TNPO1: variants seen among roughly 807,000 people sequenced by gnomAD.
TNPO1 encodes transportin 1.
In TNPO1, 8 loss-of-function variants were observed where a neutral mutation model predicts 119.5. The ratio of observed to expected loss-of-function variants is 0.07; its 90% CI spans 0.04 to 0.12. The LOEUF is 0.12. Ranked by LOEUF, TNPO1 falls within the 10% of genes least tolerant of loss-of-function variation. The pLI is 1.00. For synonymous variants in TNPO1, 362 were observed against 363.0 expected (o/e 1.00, Z 0.03); for missense variants, 576 against 1,089.8 (o/e 0.53, Z 6.64).
chr5:72,823,523 C>G (rs1744076373), intron 1 of TNPO1, among the ~76,000 whole-genome samples: 1 of 152,182 alleles, frequency 6.6e-6, no homozygotes, highest in Non-Finnish European at 1.5e-5. Flanking sequence ...GCAGCTCACT[C>G]CTAGTGCCTC....
At chr5:72,848,712 C>T (rs1285646781) in intron 2 of TNPO1, among the ~76,000 whole-genome samples, 6 of 147,316 alleles carry the variant, frequency 4.1e-5, no homozygotes, top group African/African-American at 7.3e-5. Flanking sequence ...GGGGCGCCGC[C>T]GCGTGGGGCT....
At chr5:72,882,778 T>C (rs1256784692) in intron 10 of TNPO1, among the ~76,000 whole-genome samples, 1 of 152,158 alleles carries the variant, frequency 6.6e-6, no homozygotes, top group Non-Finnish European at 1.5e-5. Context: ...AACATTCTTA[T>C]ATATGCTGCT....
At chr5:72,827,974 C>CA (rs983717737) in intron 1 of TNPO1, among the ~76,000 whole-genome samples, 3 of 151,224 alleles carry the variant, frequency 2.0e-5, no homozygotes, top group Admixed American at 6.6e-5. Flanking sequence ...GCCCATTTGA[C>CA]AAACAAGCAG....
At chr5:72,831,668 A>C (rs1177759383) in intron 1 of TNPO1, among the ~76,000 whole-genome samples, 1 of 152,018 alleles carries the variant, frequency 6.6e-6, no homozygotes, top group Non-Finnish European at 1.5e-5. Flanking sequence ...CCTTTCTCTG[A>C]AACTAAGTCT....
At chr5:72,872,400 A>C (rs1473542167) in intron 6 of TNPO1, among the ~76,000 whole-genome samples, 1 of 152,140 alleles carries the variant, frequency 6.6e-6, no homozygotes, top group Non-Finnish European at 1.5e-5. Context: ...AAATTTGCAC[A>C]TGTCCTTTCT....
chr5:72,848,155 C>T, intron 1 of TNPO1: 1 of 1,210,662 alleles, frequency 8.3e-7, no homozygotes, highest in Non-Finnish European at 1.0e-6. Flanking sequence ...GCTCGGCGGC[C>T]GCGGCGGCAG....
chr5:72,836,154 A>G (rs1744683765), intron 1 of TNPO1, among the ~76,000 whole-genome samples: 1 of 152,174 alleles, frequency 6.6e-6, no homozygotes, highest in Non-Finnish European at 1.5e-5. Context: ...CCACTCCAAC[A>G]GCTCCATTAG....
intron 1 of TNPO1, among the ~76,000 whole-genome samples, chr5:72,823,932 C>G (rs1744095666): frequency 6.6e-6 from 1 of 152,206 alleles, no homozygotes; most frequent in South Asian, 2.1e-4. Context: ...CCCAAACCTT[C>G]TATATCTCTT....
In TNPO1 at chr5:72,855,811, G is replaced by A; in HGVS notation, c.243G>A (p.Lys81=). The A allele has an allele frequency of 6.2e-7, 1 of 1,611,910 alleles. No homozygotes were observed. Among genetic ancestry groups the A allele is most frequent in the Non-Finnish European group, 8.5e-7 (1 of 1,179,606 alleles). ...GATCATTGAGTGGTCTTATCTTGAA[G>A]AATAATGTGAAAGCACACTTTCAGA... The part of the protein sequence containing the change: ...PTRSLSGLIL[K]NNVKAHFQNF... The change falls in exon 4 of 25, where the codon AAG becomes AAA. Residue 81 remains lysine, a synonymous_variant. Transcript: ENST00000337273.
chr5:72,901,129 A>G (rs1051902880), intron 22 of TNPO1, 56 bp downstream of exon 22: 12 of 1,149,480 alleles, frequency 1.0e-5, no homozygotes, highest in Middle Eastern at 2.3e-4. Context: ...TTTTAAAGGA[A>G]GAAACATTCT....
intron 15 of TNPO1, among the ~76,000 whole-genome samples, chr5:72,892,910 T>C (rs1203489764): frequency 2.7e-5 from 4 of 148,842 alleles, no homozygotes; most frequent in Admixed American, 2.1e-4. Context: ...ATAATGTTTC[T>C]TGTAGAAACG....
At chr5:72,827,056 G>T (rs1173372124) in intron 1 of TNPO1, among the ~76,000 whole-genome samples, 1 of 152,110 alleles carries the variant, frequency 6.6e-6, no homozygotes, top group Admixed American at 6.5e-5. Flanking sequence ...AGAGGACATT[G>T]CCTTTCTTAA....
intron 21 of TNPO1, 64 bp from the exon 22 acceptor site, chr5:72,900,910 C>A: frequency 1.9e-6 from 2 of 1,064,242 alleles, no homozygotes; most frequent in Non-Finnish European, 1.4e-6. Flanking sequence ...AAATACTGTC[C>A]ATTAGTATTG....
Position 72,888,230 on chromosome 5 carries a change from C to T in TNPO1, c.1456C>T (p.Leu486=), listed in dbSNP as rs1748797279. ...WVVSQPPDTY[L]KPLMTELLKR... is the part of the protein sequence containing the mutation. ...GGTCAGCCAGCCGCCAGACACGTAC[C>T]TGAAGCCATTAATGACAGAATTGCT... The change falls in exon 13 of 25, where the codon CTG becomes TTG. Residue 486 remains leucine (L), a synonymous_variant. Coordinates refer to ENST00000337273, the MANE Select transcript of TNPO1 (RefSeq NM_002270.4). 6.2e-7 allele frequency: 1 copy of T among 1,614,100 alleles called. No homozygotes were observed. Among genetic ancestry groups the T allele is most frequent in the Non-Finnish European group, 8.5e-7 (1 of 1,180,016 alleles).
chr5:72,883,263 T>A, intron 11 of TNPO1, 31 bp downstream of exon 11: 1 of 1,003,408 alleles, frequency 1.0e-6, no homozygotes, highest in East Asian at 2.4e-5. Context: ...CACAGTTGCC[T>A]ACTTTGATGA....
chr5:72,878,878 G>T (rs2112400206), intron 9 of TNPO1: 1 of 484,296 alleles, frequency 2.1e-6, no homozygotes, highest in Non-Finnish European at 4.2e-6. Context: ...TTAAATCCTT[G>T]AGGGGTACAG....
At chr5:72,907,151 C>T (rs1273201306) in intron 24 of TNPO1, among the ~76,000 whole-genome samples, 1 of 152,122 alleles carries the variant, frequency 6.6e-6, no homozygotes, top group Non-Finnish European at 1.5e-5. Flanking sequence ...CTTGAGTCCT[C>T]AAGAGCTGTT....
intron 9 of TNPO1, 119 bp from the exon 10 acceptor site, chr5:72,882,348 C>T (rs888901145): frequency 3.0e-6 from 2 of 670,416 alleles, no homozygotes; most frequent in African/African-American, 3.6e-5. Flanking sequence ...TGAATAAGTT[C>T]AAAGACAATA....
At position 72,849,930 on chromosome 5, in the gene TNPO1, A is replaced by G. The variant is rs74970097; in HGVS notation, c.130-1314A>G. 6.0e-3 allele frequency among the ~76,000 whole-genome samples: 908 copies of G among 152,320 alleles called. 6 individuals carry two copies. The highest frequency in any genetic ancestry group is 0.021 in the African/African-American group (888 of 41,568). ...TAGTTATTCTGTGGCACCATATATC[A>G]TAATTTCTTGTTTTAGTCTACATTT... is the stretch of plus-strand genomic sequence containing the variant. On this transcript the variant is annotated intron_variant, in intron 2 of 24. Coordinates refer to ENST00000337273, the MANE Select transcript of TNPO1 (RefSeq NM_002270.4).
Sources: gnomAD v4.1 joint callset for allele counts (sites outside exome capture counted in the v4.1 genomes callset) on GRCh38, gnomAD v4.1.1 for gene constraint, MANE v1.5 for transcripts, NCBI Gene and HGNC (gene_info 2026-07-23, HGNC 2026-07-21) for gene names.